Variants in CLEC12A observed in about 807,000 individuals in gnomAD.
CLEC12A encodes C-type lectin protein CLL-1.
Under a neutral mutation model 26.5 loss-of-function variants are expected in CLEC12A, and 22 were observed. The observed-to-expected ratio is 0.83, with a 90% CI of 0.59 to 1.19. The LOEUF (loss-of-function observed/expected upper bound fraction) is 1.19, where lower values mean the gene tolerates loss of function less well. Among genes scored for constraint, CLEC12A ranks in the 50% most tolerant of loss-of-function variants. CLEC12A has a pLI of 0.00. For synonymous variants in CLEC12A, 119 were observed against 101.9 expected (o/e 1.17, Z -1.01); for missense variants, 353 against 315.6 (o/e 1.12, Z -0.90).
chr12:9,970,948 A>G (rs1284901791), upstream of CLEC12A, among the ~76,000 whole-genome samples: 4 of 152,202 alleles, frequency 2.6e-5, no homozygotes, highest in African/African-American at 4.8e-5. Flanking sequence ...TGTTATTTAG[A>G]GAAACTAGGC....
At chr12:10,005,115 A>G in the CLEC12A span, among the ~76,000 whole-genome samples, 1 of 152,194 alleles carries the variant, frequency 6.6e-6, no homozygotes, top group Non-Finnish European at 1.5e-5. Context: ...GGGACTATTA[A>G]TTAATCATTT....
chr12:9,954,360 T>G (rs1308774862), intron 1 of CLEC12A, among the ~76,000 whole-genome samples: 1 of 152,008 alleles, frequency 6.6e-6, no homozygotes, highest in Admixed American at 6.5e-5. Flanking sequence ...CTGGGTGTAA[T>G]GGTGCATACC....
At chr12:9,984,838 T>C (rs1864706453) in intron 5 of CLEC12A, 32 bp from the exon 6 acceptor site, 1 of 1,395,016 alleles carries the variant, frequency 7.2e-7, no homozygotes, top group Non-Finnish European at 9.4e-7. Context: ...ATATCTGACT[T>C]GCCAAGTGTA....
intron 1 of CLEC12A, among the ~76,000 whole-genome samples, chr12:9,958,578 G>A (rs1003703299): frequency 5.3e-5 from 8 of 152,188 alleles, no homozygotes; most frequent in African/African-American, 1.7e-4. Context: ...ATGTTAAAAG[G>A]TAAAAAAGCC....
chr12:9,958,201 T>TA (rs1257028692), intron 1 of CLEC12A, among the ~76,000 whole-genome samples: 1 of 152,130 alleles, frequency 6.6e-6, no homozygotes, highest in Non-Finnish European at 1.5e-5. Context: ...ATTGTGAGAG[T>TA]AATTACTTTA....
the CLEC12A span, among the ~76,000 whole-genome samples, chr12:10,005,826 C>T: frequency 6.6e-6 from 1 of 152,044 alleles, no homozygotes; most frequent in Non-Finnish European, 1.5e-5. Context: ...TCCTTTAAGT[C>T]TTTGATACCT....
intron 1 of CLEC12A, among the ~76,000 whole-genome samples, chr12:9,961,708 G>C (rs1863831514): frequency 7.0e-6 from 1 of 142,018 alleles, no homozygotes; most frequent in African/African-American, 2.6e-5. Context: ...TAATACATAA[G>C]GCCTGTTATT....
At position 9,985,009 on chromosome 12, in the gene CLEC12A, T is replaced by C. The variant is rs144513800; in HGVS notation, c.781T>C (p.Tyr261His). 144 of 1,527,258 alleles carry C rather than the reference T, an allele frequency of 9.4e-5. No homozygotes were observed. Among genetic ancestry groups the C allele is most frequent in the Non-Finnish European group, 1.2e-4 (134 of 1,136,976 alleles). 94.6% of individuals were successfully genotyped at this position (1,527,258 alleles called of 1,614,324 possible). Residue 261 changes from tyrosine (Y) to histidine (H), a missense_variant, in exon 6 of 6, where the codon TAT becomes CAT. By Grantham distance (83) the Tyr-to-His change is moderately conservative (BLOSUM62 2). Coordinates refer to ENST00000304361, the MANE Select transcript of CLEC12A (RefSeq NM_138337.6). The stretch of plus-strand genomic sequence containing the variant: ...CAATCCAGTGCAGCTTGGTTCTACA[T>C]ATTTTAGGGAGGCATGAGGCATCAA... ...MANPVQLGST[Y>H]FREA
chr12:9,983,603 T>G, intron 5 of CLEC12A: 1 of 654,572 alleles, frequency 1.5e-6, no homozygotes, highest in Non-Finnish European at 2.7e-6. Context: ...TTTAACACGT[T>G]TTTAGTATAT....
chr12:9,959,216 T>C (rs983481958), intron 1 of CLEC12A, among the ~76,000 whole-genome samples: 2 of 152,108 alleles, frequency 1.3e-5, no homozygotes, highest in Admixed American at 6.6e-5. Flanking sequence ...TTTGGGAGGC[T>C]GAGGCGGGTG....
chr12:9,951,379 G>A (rs551638853), intron 1 of CLEC12A: 11 of 702,882 alleles, frequency 1.6e-5, no homozygotes, highest in South Asian at 1.0e-4. Flanking sequence ...TGTGGATACC[G>A]ACAGTGGGAA....
intron 4 of CLEC12A, chr12:9,991,418 CAT>C (rs761351051): frequency 1.3e-5 from 2 of 152,084 alleles, no homozygotes; most frequent in African/African-American, 4.8e-5. Flanking sequence ...GATGTATACA[CAT>C]ATGTTTTTCC....
intron 1 of CLEC12A, among the ~76,000 whole-genome samples, chr12:9,972,594 T>C (rs1294632901): frequency 6.6e-6 from 1 of 151,868 alleles, no homozygotes; most frequent in Non-Finnish European, 1.5e-5. Flanking sequence ...GAGAGAAGAG[T>C]GCCAAAATTC....
intron 2 of CLEC12A, 27 bp downstream of exon 2, chr12:9,979,091 G>C: frequency 1.9e-6 from 3 of 1,541,036 alleles, no homozygotes; most frequent in Non-Finnish European, 2.7e-6. Flanking sequence ...TTTTTGTCAA[G>C]AGGAAGTATC....
At chr12:9,951,392 G>C in intron 1 of CLEC12A, 1 of 702,874 alleles carries the variant, frequency 1.4e-6, no homozygotes, top group Non-Finnish European at 2.6e-6. Context: ...AGTGGGAATG[G>C]CTCCTCTCAA....
At chr12:9,952,776 C>CT (rs1382394556) in intron 1 of CLEC12A, 1 of 104,056 alleles carries the variant, frequency 9.6e-6, no homozygotes, top group African/African-American at 4.0e-5. Flanking sequence ...TGAGGAGCGT[C>CT]TCTGCCCGGC....
At chr12:9,957,818 G>A (rs1863767723) in intron 1 of CLEC12A, among the ~76,000 whole-genome samples, 1 of 152,198 alleles carries the variant, frequency 6.6e-6, no homozygotes, top group South Asian at 2.1e-4. Flanking sequence ...TGGGAGCCAG[G>A]TTTGCCTGAC....
At chr12:9,987,390 G>A (rs1864791400), downstream of CLEC12A, among the ~76,000 whole-genome samples, 1 of 152,100 alleles carries the variant, frequency 6.6e-6, no homozygotes, top group Admixed American at 6.5e-5. Context: ...GAAATTCTCT[G>A]TTCAATATTG....
chr12:9,977,730 TTATC>T (rs1864394529), intron 1 of CLEC12A, among the ~76,000 whole-genome samples: 1 of 152,140 alleles, frequency 6.6e-6, no homozygotes, highest in African/African-American at 2.4e-5. Context: ...ATATATCTAT[TTATC>T]TATTTCCTCC....
Sources: allele counts gnomAD v4.1 joint callset (sites outside exome capture counted in the v4.1 genomes callset), GRCh38; gene constraint gnomAD v4.1.1; transcripts MANE v1.5; gene names NCBI Gene and HGNC (gene_info 2026-07-23, HGNC 2026-07-21).